SLC35B4: variants seen among roughly 807,000 people sequenced by gnomAD.
SLC35B4 encodes nucleotide sugar transporter SLC35B4.
SLC35B4 carries 28 observed loss-of-function variants against 39.5 expected under a neutral mutation model. The ratio of observed to expected loss-of-function variants is 0.71; its 90% CI spans 0.53 to 0.97. The LOEUF is 0.97. Among genes scored for constraint, SLC35B4 ranks in the 50% least tolerant of loss-of-function variants. The pLI is 0.00. For missense variants in SLC35B4, 334 were observed against 414.3 expected (o/e 0.81, Z 1.68); for synonymous variants, 145 against 150.4 (o/e 0.96, Z 0.26).
Position 134,306,792 on chromosome 7 carries a change from C to A in SLC35B4, c.192-18G>T, listed in dbSNP as rs748638909. 2 of 1,573,066 alleles carry A rather than the reference C, an allele frequency of 1.3e-6. No individual in the cohort carries two copies. Among genetic ancestry groups the A allele is most frequent in the South Asian group, 2.3e-5 (2 of 88,438 alleles). ...CATAGTACCTGAAATGCAGACAGAA[C>A]AGCTCATCAAACAGAATCTAGGATT... On this transcript the variant is annotated intron_variant, in intron 2 of 9. Coordinates refer to ENST00000378509, the MANE Select transcript of SLC35B4 (RefSeq NM_032826.5).
intron 2 of SLC35B4, among the ~76,000 whole-genome samples, chr7:134,308,926 T>C (rs1391782240): frequency 3.3e-5 from 5 of 152,244 alleles, no homozygotes; most frequent in African/African-American, 1.2e-4. Flanking sequence ...CATTTTAAAG[T>C]GAACAATTCC....
At chr7:134,316,564 C>G (rs1380953133) in intron 1 of SLC35B4, 111 bp downstream of exon 1, 1 of 1,156,576 alleles carries the variant, frequency 8.6e-7, no homozygotes, top group Non-Finnish European at 1.2e-6. Flanking sequence ...GCCCCGGGCT[C>G]CGTGGGCGGC....
chr7:134,314,167 A>G (rs1803916258), intron 1 of SLC35B4, among the ~76,000 whole-genome samples: 2 of 152,224 alleles, frequency 1.3e-5, no homozygotes, highest in Non-Finnish European at 2.9e-5. Context: ...TATAAAAAAG[A>G]AATATATCTT....
chr7:134,316,841 C>A lies in SLC35B4; in HGVS notation c.-90G>T. ...AAGCCGGCCTCCTGCCTCTTCGCTG[C>A]GCAGCACATCGCACCGTCCTGGAAA... is the stretch of plus-strand genomic sequence containing the variant. On this transcript the variant is annotated 5_prime_UTR_variant, in exon 1 of 10. Coordinates refer to ENST00000378509, the MANE Select transcript of SLC35B4 (RefSeq NM_032826.5). 2 of 1,293,120 alleles carry A rather than the reference C, an allele frequency of 1.5e-6. No individual in the cohort carries two copies. The highest frequency in any genetic ancestry group is 2.2e-6 in the Non-Finnish European group (2 of 928,468). 80.1% of individuals were successfully genotyped at this position (1,293,120 alleles called of 1,614,324 possible).
chr7:134,317,068 G>T, upstream of SLC35B4: 6 of 345,944 alleles, frequency 1.7e-5, no homozygotes, highest in South Asian at 2.6e-4. Flanking sequence ...AGCTCCGCCA[G>T]AGAGGACAGG....
chr7:134,312,793 A>G (rs1460757142), intron 1 of SLC35B4, among the ~76,000 whole-genome samples: 1 of 152,198 alleles, frequency 6.6e-6, no homozygotes, highest in Non-Finnish European at 1.5e-5. Context: ...GCACTGCGTC[A>G]GGTAAGTCTC....
chr7:134,316,609 G>C (rs1784556756), intron 1 of SLC35B4, 66 bp downstream of exon 1: 2 of 1,505,510 alleles, frequency 1.3e-6, no homozygotes, highest in African/African-American at 1.4e-5. Context: ...GTCCCGGGGG[G>C]ACCTCTCCTC....
chr7:134,300,097 G>GT, intron 7 of SLC35B4, 55 bp downstream of exon 7: 1 of 1,245,288 alleles, frequency 8.0e-7, no homozygotes, highest in Non-Finnish European at 1.2e-6. Flanking sequence ...TTCACTTGAA[G>GT]TAACATTTTA....
chr7:134,312,775 G>A (rs935961386), intron 1 of SLC35B4, among the ~76,000 whole-genome samples: 1 of 152,136 alleles, frequency 6.6e-6, no homozygotes, highest in Non-Finnish European at 1.5e-5. Context: ...GACGCTGAGG[G>A]TCCCATTGCA....
In SLC35B4 at chr7:134,301,763, A is replaced by C; in HGVS notation, c.485T>G (p.Leu162Arg). The change falls in exon 6 of 10, where the codon CTA becomes CGA. Residue 162 changes from leucine to arginine, a missense_variant and splice_region_variant. Coordinates refer to ENST00000378509, the MANE Select transcript of SLC35B4 (RefSeq NM_032826.5). ...DGFQAFVWWL[L>R]GIGALTFALL... is the part of the protein sequence containing the mutation. ...TTTATTATAATTATTGTACTTGCCT[A>C]GTAACCACCACACAAATGCCTGGAA... is the stretch of plus-strand genomic sequence containing the variant. 1 of 1,613,710 alleles carries C rather than the reference A, an allele frequency of 6.2e-7. No individual in the cohort carries two copies. Among genetic ancestry groups the C allele is most frequent in the Non-Finnish European group, 8.5e-7 (1 of 1,179,618 alleles).
chr7:134,304,482 C>T (rs980362321), intron 4 of SLC35B4, among the ~76,000 whole-genome samples: 6 of 152,166 alleles, frequency 3.9e-5, no homozygotes, highest in Admixed American at 1.3e-4. Flanking sequence ...AATAGTCACA[C>T]GTGGCTAGTG....
At chr7:134,297,807 A>G (rs1345354936) in intron 8 of SLC35B4, among the ~76,000 whole-genome samples, 1 of 152,202 alleles carries the variant, frequency 6.6e-6, no homozygotes, top group Admixed American at 6.5e-5. Context: ...AGGCCAAGGC[A>G]GGAGGATCCC....
At chr7:134,304,209 C>T (rs1266111682) in intron 4 of SLC35B4, among the ~76,000 whole-genome samples, 2 of 151,854 alleles carry the variant, frequency 1.3e-5, no homozygotes, top group Non-Finnish European at 2.9e-5. Flanking sequence ...GACAACATGG[C>T]GAAACCCAAT....
At chr7:134,318,177 G>T (rs542390967), upstream of SLC35B4, among the ~76,000 whole-genome samples, 1 of 152,168 alleles carries the variant, frequency 6.6e-6, no homozygotes, top group Non-Finnish European at 1.5e-5. Flanking sequence ...AGATTATTGG[G>T]TCTCGCTTTA....
At chr7:134,316,578 G>GT (rs1803983660) in intron 1 of SLC35B4, 97 bp downstream of exon 1, 1 of 1,298,334 alleles carries the variant, frequency 7.7e-7, no homozygotes, top group Non-Finnish European at 1.1e-6. Context: ...GGGCGGCGGG[G>GT]TGGGGACAGG....
intron 9 of SLC35B4, among the ~76,000 whole-genome samples, chr7:134,296,125 G>A (rs762253012): frequency 3.3e-5 from 5 of 152,064 alleles, no homozygotes; most frequent in Admixed American, 6.6e-5. Flanking sequence ...CACCACACCC[G>A]CCACTATCAA....
chr7:134,293,372 T>C lies in SLC35B4; in HGVS notation c.*1461A>G. On this transcript the variant is annotated 3_prime_UTR_variant, in exon 10 of 10. Transcript: ENST00000378509. ...ACAGCGTTCCTCCTATTCAAGATTGTCCAGTGAAAGGAAAACTGGACCTCT... is the reference window on the plus strand; with the variant it reads ...ACAGCGTTCCTCCTATTCAAGATTGCCCAGTGAAAGGAAAACTGGACCTCT... The C allele has an allele frequency of 6.6e-6, 1 of 152,312 alleles. No individual in the cohort carries two copies. The highest frequency in any genetic ancestry group is 1.5e-5 in the Non-Finnish European group (1 of 68,046). 9.4% of individuals were successfully genotyped at this position (152,312 alleles called of 1,614,324 possible).
chr7:134,309,941 C>T (rs993123658), intron 1 of SLC35B4, among the ~76,000 whole-genome samples: 3 of 152,096 alleles, frequency 2.0e-5, no homozygotes, highest in Admixed American at 2.0e-4. Context: ...TGCTGTCAAA[C>T]GAAAAATGGA....
At position 134,292,682 on chromosome 7, in the gene SLC35B4, A is replaced by AGTG. The variant is rs1803359057; in HGVS notation, c.*2148_*2150dup. On this transcript the variant is annotated 3_prime_UTR_variant, in exon 10 of 10. Coordinates refer to ENST00000378509, the MANE Select transcript of SLC35B4 (RefSeq NM_032826.5). ...CCTCTAGGGACAGGTTCTTCTATTA[A>AGTG]GTGGTAAGAAAAAAGTAGCTTTTGT... 1 of 152,234 alleles carries AGTG rather than the reference A, an allele frequency of 6.6e-6. No homozygotes were observed. Among genetic ancestry groups the AGTG allele is most frequent in the Non-Finnish European group, 1.5e-5 (1 of 68,034 alleles). 9.4% of individuals were successfully genotyped at this position (152,234 alleles called of 1,614,324 possible).
Sources: allele counts gnomAD v4.1 joint callset (sites outside exome capture counted in the v4.1 genomes callset), GRCh38; gene constraint gnomAD v4.1.1; transcripts MANE v1.5; gene names NCBI Gene and HGNC (gene_info 2026-07-23, HGNC 2026-07-21).